SFXN5: variants seen among roughly 807,000 people sequenced by gnomAD.
SFXN5 encodes the protein sideroflexin 5.
Under a neutral mutation model 50.2 loss-of-function variants are expected in SFXN5, and 43 were observed. The observed-to-expected ratio is 0.86, with a 90% CI of 0.67 to 1.11. SFXN5 has a LOEUF of 1.11. SFXN5 is among the 50% of genes least tolerant of loss of function. The probability of loss-of-function intolerance (pLI) is 0.00; values close to 1 mark genes in which losing one functional copy is unlikely to be tolerated. For synonymous variants in SFXN5, 203 were observed against 185.8 expected, an observed-to-expected ratio of 1.09 and a Z score of -0.75; for missense variants, 463 against 454.1, an observed-to-expected ratio of 1.02 and a Z score of -0.18.
intron 9 of SFXN5, among the ~76,000 whole-genome samples, chr2:72,991,054 G>A (rs374083977): frequency 2.0e-5 from 3 of 152,226 alleles, no homozygotes; most frequent in Non-Finnish European, 4.4e-5. Context: ...AGCCATTCAC[G>A]GAAGTGAGCA....
Position 72,950,053 on chromosome 2 carries a change from G to A in SFXN5, c.946-4954C>T, listed in dbSNP as rs781681166. 2.6e-5 allele frequency among the ~76,000 whole-genome samples: 4 copies of A among 152,018 alleles called. No homozygotes were observed. Among genetic ancestry groups the A allele is most frequent in the African/African-American group, 7.2e-5 (3 of 41,460 alleles). Reference sequence around the variant, plus strand: ...TCTGGAGCTCTGGGCAGGAGAAAGCGCCCGGGATGTGTGAGCATAGCCAGA... The same window carrying A: ...TCTGGAGCTCTGGGCAGGAGAAAGCACCCGGGATGTGTGAGCATAGCCAGA... On this transcript the variant is annotated intron_variant, in intron 13 of 13. Coordinates refer to ENST00000272433, the MANE Select transcript of SFXN5 (RefSeq NM_144579.3). The surrounding 1 kb of genome is among the most constrained non-coding windows in gnomAD (Gnocchi z 4.2).
intron 9 of SFXN5, among the ~76,000 whole-genome samples, chr2:72,991,040 C>A (rs1004723569): frequency 2.0e-5 from 3 of 152,338 alleles, no homozygotes; most frequent in East Asian, 1.9e-4. Context: ...AGGCGGGGAA[C>A]AGGAGCCATT....
At chr2:73,024,169 G>A (rs1305451042) in intron 3 of SFXN5, among the ~76,000 whole-genome samples, 7 of 151,524 alleles carry the variant, frequency 4.6e-5, no homozygotes, top group Non-Finnish European at 8.8e-5. Flanking sequence ...GATTACAGGC[G>A]CGCACCACCA....
rs1402747896 is a variant in SFXN5 at position 73,030,935 on chromosome 2, T to A, written c.250-7721A>T. ...GGGGAGAGAAAAAGGGAGAGTTTTT[T>A]AAAAATTCCTATTCTTTTTATACCT... On this transcript the variant is annotated intron_variant, in intron 3 of 13. Transcript: ENST00000272433. Among the ~76,000 whole-genome samples the A allele has an allele frequency of 4.6e-5, 7 of 152,226 alleles. No individual in the cohort carries two copies. The South Asian group carries it at 8.3e-4, about 18-fold the overall frequency.
chr2:72,952,359 A>G (rs1425627954), intron 13 of SFXN5, among the ~76,000 whole-genome samples: 1 of 152,026 alleles, frequency 6.6e-6, no homozygotes, highest in Non-Finnish European at 1.5e-5. Flanking sequence ...TTTTATCTCC[A>G]TCCCATCCCC....
At chr2:73,004,018 TG>T (rs1429185681) in intron 6 of SFXN5, among the ~76,000 whole-genome samples, 2 of 152,162 alleles carry the variant, frequency 1.3e-5, no homozygotes, top group Non-Finnish European at 2.9e-5. Flanking sequence ...ATACTAACCC[TG>T]GGGATCAAAG....
In SFXN5 at chr2:72,961,009, TCACGGTTCCAGCCCCAGCGCCTAG is replaced by T; in HGVS notation, c.945+98_945+121del. ...GGGCCAGAGCCTGGGCCAGCCTCAT[TCACGGTTCCAGCCCCAGCGCCTAG>T]CATGGCGCTAAGGAGTCGGCACGGT... On this transcript the variant is annotated intron_variant, in intron 13 of 13. Coordinates refer to ENST00000272433, the MANE Select transcript of SFXN5 (RefSeq NM_144579.3). The surrounding 1 kb of genome is among the most constrained non-coding windows in gnomAD (Gnocchi z 4.4). The T allele has an allele frequency of 1.6e-6, 1 of 629,108 alleles. No individual in the cohort carries two copies. Among genetic ancestry groups the T allele is most frequent in the Non-Finnish European group, 2.5e-6 (1 of 403,762 alleles). The allele number at this position is 629,108 out of a possible 1,614,324, so 39.0% of individuals were successfully genotyped here.
At chr2:72,977,988 A>AG (rs1670837090) in intron 10 of SFXN5, among the ~76,000 whole-genome samples, 1 of 143,068 alleles carries the variant, frequency 7.0e-6, no homozygotes, top group Non-Finnish European at 1.5e-5. Flanking sequence ...AAAAAAAAAA[A>AG]GAAAGAAAGA....
At chr2:73,039,035 C>T (rs1391651122) in intron 3 of SFXN5, among the ~76,000 whole-genome samples, 2 of 152,058 alleles carry the variant, frequency 1.3e-5, no homozygotes, top group East Asian at 3.9e-4. Context: ...CAAGTGATTC[C>T]CCCCTCCTCA....
rs1407637123 is a variant in SFXN5 at position 72,953,422 on chromosome 2, C to CT, written c.945+7708dup. Among the ~76,000 whole-genome samples the CT allele has an allele frequency of 6.6e-6, 1 of 152,190 alleles. No homozygotes were observed. Among genetic ancestry groups the CT allele is most frequent in the African/African-American group, 2.4e-5 (1 of 41,460 alleles). ...CTGCTCTGGGAGACGCTGAATGCTGCTGTAGACTCAGGAGGGATGCAATGT... is the reference window on the plus strand; with the variant it reads ...CTGCTCTGGGAGACGCTGAATGCTGCTTGTAGACTCAGGAGGGATGCAATGT... On this transcript the variant is annotated intron_variant, in intron 13 of 13. Coordinates refer to ENST00000272433, the MANE Select transcript of SFXN5 (RefSeq NM_144579.3). This position sits in a 1 kb window ranked among gnomAD's most constrained non-coding sequence, Gnocchi z 4.1.
chr2:72,954,307 G>C (rs559997390), intron 13 of SFXN5, among the ~76,000 whole-genome samples: 1 of 152,264 alleles, frequency 6.6e-6, no homozygotes, highest in East Asian at 1.9e-4. Flanking sequence ...AGACTCTTAG[G>C]CTGTCTTTTC....
chr2:73,055,285 G>T (rs1468994723), intron 2 of SFXN5, among the ~76,000 whole-genome samples: 4 of 152,222 alleles, frequency 2.6e-5, no homozygotes, highest in Non-Finnish European at 5.9e-5. Flanking sequence ...TGCAAATGGG[G>T]TGAGAATAAG....
At chr2:72,988,393 G>T (rs1457620519) in intron 9 of SFXN5, 45 bp from the exon 10 acceptor site, 2 of 1,551,938 alleles carry the variant, frequency 1.3e-6, no homozygotes, top group Non-Finnish European at 1.8e-6. Context: ...ACATGATGCT[G>T]CAGTGGCTTG....
intron 1 of SFXN5, among the ~76,000 whole-genome samples, chr2:73,065,785 C>CA (rs1683129635): frequency 6.6e-6 from 1 of 152,148 alleles, no homozygotes; most frequent in South Asian, 2.1e-4. Flanking sequence ...GAACTCCTGT[C>CA]ATCAAGTGAT....
At chr2:72,969,691 G>A (rs1031857844) in intron 11 of SFXN5, among the ~76,000 whole-genome samples, 7 of 148,378 alleles carry the variant, frequency 4.7e-5, no homozygotes, top group Non-Finnish European at 7.4e-5. Context: ...CACCGTGCCC[G>A]GCCTACTTTT....
intron 3 of SFXN5, among the ~76,000 whole-genome samples, chr2:73,036,205 G>GC (rs935547929): frequency 2.0e-5 from 3 of 152,228 alleles, no homozygotes; most frequent in African/African-American, 7.2e-5. Flanking sequence ...GGATTGCCAA[G>GC]CCCCCCAAGC....
intron 12 of SFXN5, among the ~76,000 whole-genome samples, chr2:72,964,282 C>T (rs972807160): frequency 6.6e-6 from 1 of 152,192 alleles, no homozygotes; most frequent in African/African-American, 2.4e-5. Context: ...ACTCCCTCAC[C>T]CAACAGGGGC....
chr2:73,014,381 T>C (rs1352433091), intron 6 of SFXN5, among the ~76,000 whole-genome samples: 1 of 152,180 alleles, frequency 6.6e-6, no homozygotes, highest in Non-Finnish European at 1.5e-5. Flanking sequence ...AATTTCCATA[T>C]GGGCATGTCT....
chr2:73,006,545 C>G (rs1483100615), intron 6 of SFXN5, among the ~76,000 whole-genome samples: 1 of 151,930 alleles, frequency 6.6e-6, no homozygotes, highest in Non-Finnish European at 1.5e-5. Flanking sequence ...CTGCTTAAAC[C>G]CAGGAGAAGG....
Sources: allele counts gnomAD v4.1 joint callset (sites outside exome capture counted in the v4.1 genomes callset), GRCh38; gene constraint gnomAD v4.1.1; non-coding constraint Gnocchi (gnomAD v3.1); transcripts MANE v1.5; gene names NCBI Gene and HGNC (gene_info 2026-07-23, HGNC 2026-07-21).